Variants in ASTN2 observed in about 807,000 individuals in gnomAD.
ASTN2 encodes the protein astrotactin 2, also known as astrotactin-2.
In ASTN2, 54 loss-of-function variants were observed where a neutral mutation model predicts 139.8. The ratio of observed to expected loss-of-function variants is 0.39; its 90% CI spans 0.31 to 0.48. ASTN2 has a LOEUF of 0.48. Ranked by LOEUF, ASTN2 falls within the 20% of genes least tolerant of loss-of-function variation. The pLI, the probability that ASTN2 is intolerant of heterozygous loss-of-function variation, is 0.95. For missense variants in ASTN2, 1,565 were observed against 1,725.1 expected (o/e 0.91, Z 1.64); for synonymous variants, 756 against 719.5 (o/e 1.05, Z -0.81).
intron 19 of ASTN2, chr9:116,584,580 A>G (rs1448540487): frequency 6.6e-6 from 1 of 152,242 alleles, no homozygotes; most frequent in Non-Finnish European, 1.5e-5. Flanking sequence ...CCATAAAAAA[A>G]TACAACTAGC....
intron 13 of ASTN2, among the ~76,000 whole-genome samples, chr9:116,747,082 A>G (rs1156524359): frequency 6.6e-6 from 1 of 152,174 alleles, no homozygotes; most frequent in African/African-American, 2.4e-5. Flanking sequence ...CTAGATATCT[A>G]GCACACAGAA....
intron 12 of ASTN2, among the ~76,000 whole-genome samples, chr9:116,818,519 T>C (rs752208086): frequency 3.3e-5 from 5 of 152,308 alleles, no homozygotes; most frequent in South Asian, 2.1e-4. Context: ...GTTTTTGTCC[T>C]ATTTATTACC....
intron 3 of ASTN2, among the ~76,000 whole-genome samples, chr9:117,202,767 G>A (rs1416441080): frequency 6.6e-6 from 1 of 152,100 alleles, no homozygotes; most frequent in Non-Finnish European, 1.5e-5. Context: ...GCCCTTAACA[G>A]TTTTTCCTTC....
intron 19 of ASTN2, among the ~76,000 whole-genome samples, chr9:116,518,394 T>C (rs1850736050): frequency 6.6e-6 from 1 of 152,174 alleles, no homozygotes; most frequent in Non-Finnish European, 1.5e-5. Context: ...AGGAATTGTG[T>C]ATCCAGAAAC....
chr9:116,517,841 C>T (rs751833602), intron 19 of ASTN2, among the ~76,000 whole-genome samples: 27 of 152,208 alleles, frequency 1.8e-4, no homozygotes, highest in South Asian at 2.1e-4. Flanking sequence ...ATCAAGGACA[C>T]GCTTAGAGAG....
At chr9:117,057,125 G>C (rs1839086332) in intron 5 of ASTN2, among the ~76,000 whole-genome samples, 1 of 152,120 alleles carries the variant, frequency 6.6e-6, no homozygotes, top group South Asian at 2.1e-4. Flanking sequence ...TTAATATAGA[G>C]TTCTCAGTGA....
chr9:117,189,947 A>C (rs1461382000), intron 3 of ASTN2, among the ~76,000 whole-genome samples: 3 of 152,244 alleles, frequency 2.0e-5, no homozygotes, highest in African/African-American at 7.2e-5. Context: ...CGCTCTTGCT[A>C]CACAAAATAG....
At chr9:117,036,346 T>C (rs1838384411) in intron 6 of ASTN2, among the ~76,000 whole-genome samples, 1 of 152,210 alleles carries the variant, frequency 6.6e-6, no homozygotes, top group Non-Finnish European at 1.5e-5. Flanking sequence ...AGGATGTGTA[T>C]ACTCCGTAGT....
intron 19 of ASTN2, among the ~76,000 whole-genome samples, chr9:116,489,380 A>C (rs775881939): frequency 6.6e-6 from 1 of 152,050 alleles, no homozygotes; most frequent in Non-Finnish European, 1.5e-5. Flanking sequence ...TCTGTTGCCA[A>C]GTCTGGAGTG....
intron 3 of ASTN2, among the ~76,000 whole-genome samples, chr9:117,161,769 G>T (rs1830558437): frequency 1.3e-5 from 2 of 152,030 alleles, no homozygotes; most frequent in African/African-American, 4.8e-5. Flanking sequence ...CAAAATTCTG[G>T]CAAGGGGAAA....
intron 10 of ASTN2, among the ~76,000 whole-genome samples, chr9:116,905,138 C>T: frequency 6.9e-6 from 1 of 143,994 alleles, no homozygotes; most frequent in Non-Finnish European, 1.5e-5. Context: ...GGGAGCTAAT[C>T]TTGGGCTTCA....
At chr9:117,214,874 C>T in intron 2 of ASTN2, 132 bp from the exon 3 acceptor site, 4 of 1,105,814 alleles carry the variant, frequency 3.6e-6, no homozygotes, top group East Asian at 6.1e-5. Flanking sequence ...AACCACCAGC[C>T]GTGGTTTTTA....
intron 10 of ASTN2, among the ~76,000 whole-genome samples, chr9:116,956,364 G>A (rs530322234): frequency 2.8e-4 from 42 of 149,336 alleles, no homozygotes; most frequent in African/African-American, 1.0e-3. Context: ...CTCCCAAAGG[G>A]CTGGGATTAC....
chr9:117,405,605 G>T (rs1830960918), intron 1 of ASTN2, among the ~76,000 whole-genome samples: 1 of 152,064 alleles, frequency 6.6e-6, no homozygotes, highest in South Asian at 2.1e-4. Flanking sequence ...AACACATAGG[G>T]GTCAGTAGAT....
At chr9:117,027,875 C>T (rs1838134606) in intron 6 of ASTN2, among the ~76,000 whole-genome samples, 1 of 152,168 alleles carries the variant, frequency 6.6e-6, no homozygotes, top group African/African-American at 2.4e-5. Context: ...ATGCCACTCT[C>T]TATTTCACCC....
At chr9:116,889,701 C>T (rs1394979852) in intron 10 of ASTN2, among the ~76,000 whole-genome samples, 1 of 149,490 alleles carries the variant, frequency 6.7e-6, no homozygotes, top group African/African-American at 2.5e-5. Context: ...GCCTGGGCAA[C>T]ATAGCAAGAC....
intron 4 of ASTN2, among the ~76,000 whole-genome samples, chr9:117,108,812 C>A (rs1829173573): frequency 6.6e-6 from 1 of 152,056 alleles, no homozygotes; most frequent in South Asian, 2.1e-4. Context: ...ACAAACCAAC[C>A]CAAATAGAAA....
chr9:117,374,859 A>G (rs1830080534), intron 1 of ASTN2, among the ~76,000 whole-genome samples: 1 of 152,188 alleles, frequency 6.6e-6, no homozygotes, highest in Admixed American at 6.5e-5. Flanking sequence ...GTTGACCAGA[A>G]GCCTGACTAT....
At chr9:116,725,643 G>C in intron 16 of ASTN2, 128 bp downstream of exon 16, 1 of 894,988 alleles carries the variant, frequency 1.1e-6, no homozygotes. Context: ...GCAGGGACTT[G>C]CCCATGGTCA....
Sources: gnomAD v4.1 joint callset for allele counts (sites outside exome capture counted in the v4.1 genomes callset) on GRCh38, gnomAD v4.1.1 for gene constraint, MANE v1.5 for transcripts, NCBI Gene and HGNC (gene_info 2026-07-23, HGNC 2026-07-21) for gene names.